Variants in HELZ observed in about 807,000 individuals in gnomAD.
HELZ encodes the protein helicase with zinc finger.
HELZ carries 23 observed loss-of-function variants against 218.2 expected under a neutral mutation model. The observed-to-expected ratio is 0.11, with a 90% confidence interval of 0.08 to 0.15. The LOEUF is 0.15. Among genes scored for constraint, HELZ ranks in the 10% least tolerant of loss-of-function variants. The pLI is 1.00. For missense variants in HELZ, 1,813 were observed against 2,353.7 expected (o/e 0.77, Z 4.75); for synonymous variants, 814 against 829.4 (o/e 0.98, Z 0.32).
At chr17:67,203,051 G>A (rs971226554) in intron 6 of HELZ, among the ~76,000 whole-genome samples, 4 of 151,938 alleles carry the variant, frequency 2.6e-5, no homozygotes, top group Admixed American at 2.6e-4. Flanking sequence ...GAGCCCAGGA[G>A]GTTGAAGCTG....
chr17:67,167,916 C>T (rs890936156), intron 13 of HELZ, 120 bp from the exon 14 acceptor site: 1 of 682,364 alleles, frequency 1.5e-6, no homozygotes, highest in African/African-American at 1.8e-5. Flanking sequence ...TATATCAATT[C>T]CACTTCATTG....
intron 25 of HELZ, 45 bp downstream of exon 25, chr17:67,123,918 T>C: frequency 7.1e-7 from 1 of 1,413,178 alleles, no homozygotes; most frequent in South Asian, 1.2e-5. Flanking sequence ...GGAAAATCTC[T>C]TACATCATAA....
At chr17:67,208,729 C>A (rs992482220) in intron 5 of HELZ, among the ~76,000 whole-genome samples, 28 of 151,686 alleles carry the variant, frequency 1.8e-4, no homozygotes, top group African/African-American at 6.5e-4. Flanking sequence ...CCAGCCTGGG[C>A]AACATGGCAA....
chr17:67,196,121 G>C (rs1268027073), intron 7 of HELZ, among the ~76,000 whole-genome samples: 1 of 152,082 alleles, frequency 6.6e-6, no homozygotes, highest in African/African-American at 2.4e-5. Flanking sequence ...TAAAGTGCTA[G>C]AATTATAGGC....
intron 11 of HELZ, among the ~76,000 whole-genome samples, chr17:67,189,094 A>C (rs540382172): frequency 6.6e-6 from 1 of 152,340 alleles, no homozygotes; most frequent in South Asian, 2.1e-4. Context: ...ATACTCACAG[A>C]AACTTTTTAC....
chr17:67,161,572 CTGTA>C (rs1433801731), intron 15 of HELZ, among the ~76,000 whole-genome samples: 1 of 152,156 alleles, frequency 6.6e-6, no homozygotes, highest in Admixed American at 6.5e-5. Flanking sequence ...AAGAACAAAT[CTGTA>C]TGTCCCTGGT....
intron 5 of HELZ, among the ~76,000 whole-genome samples, chr17:67,203,683 G>T (rs1021823126): frequency 1.3e-5 from 2 of 152,144 alleles, no homozygotes; most frequent in Non-Finnish European, 2.9e-5. Context: ...ATCACAGGAA[G>T]AATCAATCCT....
intron 3 of HELZ, among the ~76,000 whole-genome samples, chr17:67,236,410 C>G (rs184807832): frequency 6.6e-6 from 1 of 152,130 alleles, no homozygotes; most frequent in Non-Finnish European, 1.5e-5. Context: ...AACATAATAA[C>G]ACACTCCAAA....
At chr17:67,236,094 C>A (rs2041178296) in intron 3 of HELZ, among the ~76,000 whole-genome samples, 1 of 152,084 alleles carries the variant, frequency 6.6e-6, no homozygotes, top group Non-Finnish European at 1.5e-5. Context: ...TTTTTACTGA[C>A]CATATTATAC....
In HELZ at chr17:67,188,731, G is replaced by A; in HGVS notation, c.865-115C>T. 1 of 775,894 alleles carries A rather than the reference G, an allele frequency of 1.3e-6. No individual in the cohort carries two copies. Among genetic ancestry groups the A allele is most frequent in the East Asian group, 2.6e-5 (1 of 38,360 alleles). The allele number at this position is 775,894 out of a possible 1,614,324, so 48.1% of individuals were successfully genotyped here. On this transcript the variant is annotated intron_variant, in intron 11 of 32. Coordinates refer to ENST00000358691, the MANE Select transcript of HELZ (RefSeq NM_014877.4). This position sits in a 1 kb window ranked among gnomAD's most constrained non-coding sequence, Gnocchi z 4.1. ...GACTTTTACTTCCCCAAGCTTCTAA[G>A]ATACTATAGCCATTTAAGAAAAAAA...
intron 12 of HELZ, among the ~76,000 whole-genome samples, 172 bp from the exon 13 acceptor site, chr17:67,179,098 AAAAAC>A (rs1268872342): frequency 1.3e-5 from 2 of 152,194 alleles, no homozygotes; most frequent in Non-Finnish European, 2.9e-5. Flanking sequence ...CCCCATATCA[AAAAAC>A]AAAACAAAAC....
chr17:67,108,833 C>A lies in HELZ; in HGVS notation c.4490-107G>T. ...TCCACAAAGACAAAGGACGTAGCTA[C>A]AAATTTGGTTTTGGTAAGAAGTAAA... On this transcript the variant is annotated intron_variant, in intron 29 of 32. Coordinates refer to ENST00000358691, the MANE Select transcript of HELZ (RefSeq NM_014877.4). This position sits in a 1 kb window ranked among gnomAD's most constrained non-coding sequence, Gnocchi z 4.1. The A allele has an allele frequency of 2.1e-6, 2 of 934,186 alleles. No individual in the cohort carries two copies. Among genetic ancestry groups the A allele is most frequent in the South Asian group, 1.8e-5 (1 of 54,568 alleles). 57.9% of individuals were successfully genotyped at this position (934,186 alleles called of 1,614,324 possible).
At chr17:67,081,603 G>A (rs149511505) in intron 32 of HELZ, among the ~76,000 whole-genome samples, 1,668 of 152,262 alleles carry the variant, frequency 0.011, 20 homozygotes, top group South Asian at 0.018. Context: ...AGCTCCTTGA[G>A]GGAGAGGACC....
Position 67,194,002 on chromosome 17 carries a change from T to C in HELZ, c.522A>G (p.Gly174=). 1.2e-6 allele frequency: 2 copies of C among 1,613,748 alleles called. No homozygotes were observed. The highest frequency in any genetic ancestry group is 1.7e-6 in the Non-Finnish European group (2 of 1,179,924). Residue 174 remains glycine, a synonymous_variant, in exon 9 of 33, where the codon GGA becomes GGG. Transcript: ENST00000358691. ...NGWHFRPPPR[G]ITSSEEYTLC... ...AAGTATATTCCTCGCTGCTTGTGAT[T>C]CCCCTAGGTGGTGGGCGGAAATGCC...
intron 27 of HELZ, among the ~76,000 whole-genome samples, chr17:67,118,158 CA>C (rs1208868111): frequency 6.6e-6 from 1 of 152,152 alleles, no homozygotes; most frequent in Non-Finnish European, 1.5e-5. Flanking sequence ...ATCAAGACAG[CA>C]TATTTGGTGT....
At chr17:67,244,074 A>C (rs2041398410) in intron 1 of HELZ, 1 of 761,414 alleles carries the variant, frequency 1.3e-6, no homozygotes, top group Non-Finnish European at 1.6e-6. Context: ...ACATAATAAA[A>C]TCATCTTTTT....
chr17:67,137,324 G>C (rs1486507245), intron 22 of HELZ, among the ~76,000 whole-genome samples: 6 of 152,102 alleles, frequency 3.9e-5, no homozygotes, highest in African/African-American at 1.4e-4. Flanking sequence ...TACTCCTAAT[G>C]TTCTTTCTAA....
chr17:67,181,150 G>A (rs547848755), intron 12 of HELZ, among the ~76,000 whole-genome samples: 26 of 152,140 alleles, frequency 1.7e-4, no homozygotes, highest in African/African-American at 5.5e-4. Flanking sequence ...CTTTGGTGGT[G>A]GGGAGATTAT....
rs886961049 is a variant in HELZ at position 67,162,177 on chromosome 17, A to T, written c.1896-1101T>A. On this transcript the variant is annotated intron_variant, in intron 15 of 32. Transcript: ENST00000358691. ...ATGCCTATAATCCCAGCATTTTGGG[A>T]GGCCAAGGTAGGAGCGTCATCTGAG... 4.0e-4 allele frequency among the ~76,000 whole-genome samples: 61 copies of T among 152,296 alleles called. 1 individual carries two copies. The highest frequency in any genetic ancestry group is 1.5e-3 in the African/African-American group (61 of 41,574).
Sources: allele counts gnomAD v4.1 joint callset (sites outside exome capture counted in the v4.1 genomes callset), GRCh38; gene constraint gnomAD v4.1.1; non-coding constraint Gnocchi (gnomAD v3.1); transcripts MANE v1.5; gene names NCBI Gene and HGNC (gene_info 2026-07-23, HGNC 2026-07-21).